MICAL3: variants seen among roughly 807,000 people sequenced by gnomAD.
MICAL3 encodes the protein [F-actin]-monooxygenase MICAL3.
In MICAL3, 62 loss-of-function variants were observed where a neutral mutation model predicts 207.4. The observed-to-expected ratio is 0.30, with a 90% CI of 0.24 to 0.37. The LOEUF (loss-of-function observed/expected upper bound fraction) is 0.37. Ranked by LOEUF, MICAL3 falls within the 10% of genes least tolerant of loss-of-function variation. The pLI is 1.00. For synonymous variants in MICAL3, 1,077 were observed against 1,069.3 expected, an observed-to-expected ratio of 1.01 and a Z score of -0.14; for missense variants, 2,368 against 2,635.6, an observed-to-expected ratio of 0.90 and a Z score of 2.22.
intron 1 of MICAL3, among the ~76,000 whole-genome samples, chr22:17,933,455 G>C (rs372341392): frequency 1.3e-5 from 2 of 152,228 alleles, no homozygotes; most frequent in South Asian, 4.1e-4. Flanking sequence ...CAGAATCTCT[G>C]GGACACATTT....
At chr22:17,906,987 C>T (rs1347519644) in intron 1 of MICAL3, 101 bp from the exon 2 acceptor site, 11 of 624,586 alleles carry the variant, frequency 1.8e-5, no homozygotes, top group Non-Finnish European at 3.0e-5. Flanking sequence ...GTGTCGCAGT[C>T]ATCCATCCAT....
intron 1 of MICAL3, among the ~76,000 whole-genome samples, chr22:18,018,210 C>T (rs1296996354): frequency 2.0e-5 from 3 of 152,162 alleles, no homozygotes; most frequent in Non-Finnish European, 2.9e-5. Flanking sequence ...ACAGTTTTCC[C>T]CCATGGATTC....
rs914624361 is a variant in MICAL3 at position 17,789,529 on chromosome 22, G to C, written c.*1203C>G. The C allele has an allele frequency of 2.6e-5, 4 of 152,308 alleles. No individual in the cohort carries two copies. Among genetic ancestry groups the C allele is most frequent in the South Asian group, 2.1e-4 (1 of 4,828 alleles). 9.4% of individuals were successfully genotyped at this position (152,308 alleles called of 1,614,324 possible). ...ACGGAAATGCACCCTCATCACATGA[G>C]TGGTCCAGATGGTCTAGCGCCAGGG... On this transcript the variant is annotated 3_prime_UTR_variant, in exon 32 of 32. Transcript: ENST00000441493.
intron 1 of MICAL3, among the ~76,000 whole-genome samples, chr22:17,908,313 T>A (rs1931894038): frequency 6.6e-6 from 1 of 151,532 alleles, no homozygotes; most frequent in South Asian, 2.1e-4. Context: ...GACTTTCTTT[T>A]TTTCTTTTTT....
At chr22:17,971,345 G>C (rs1935404141) in intron 1 of MICAL3, among the ~76,000 whole-genome samples, 1 of 152,082 alleles carries the variant, frequency 6.6e-6, no homozygotes, top group Admixed American at 6.5e-5. Flanking sequence ...TTGTGTGTCT[G>C]TAATCCCAGC....
chr22:17,938,794 G>A (rs750864716), intron 1 of MICAL3, among the ~76,000 whole-genome samples: 1 of 152,132 alleles, frequency 6.6e-6, no homozygotes, highest in East Asian at 1.9e-4. Flanking sequence ...CATTCAGCAC[G>A]TGCAGCAAAA....
At chr22:17,815,619 T>A (rs1489816506) in intron 27 of MICAL3, 4 of 152,344 alleles carry the variant, frequency 2.6e-5, no homozygotes, top group African/African-American at 9.6e-5. Context: ...GTTGCTGGCC[T>A]GGCTGGGGCA....
chr22:17,899,092 T>C (rs1931108800), intron 7 of MICAL3, among the ~76,000 whole-genome samples: 3 of 152,146 alleles, frequency 2.0e-5, no homozygotes, highest in Non-Finnish European at 4.4e-5. Context: ...AAAATTAAAC[T>C]GAGTATTTAT....
intron 19 of MICAL3, chr22:17,861,184 G>T: frequency 7.1e-6 from 7 of 985,360 alleles, no homozygotes; most frequent in Non-Finnish European, 7.2e-6. Flanking sequence ...GGGAACCCTA[G>T]GGTTGAATGA....
Position 17,803,960 on chromosome 22 carries a change from T to C in MICAL3, c.5650+4884A>G, listed in dbSNP as rs187464145. ...ATATGATATGGAGCAATCAATGATA[T>C]GGAGCGCAAGAAACACAGACACAGC... is the stretch of plus-strand genomic sequence containing the variant. On this transcript the variant is annotated intron_variant, in intron 29 of 31. Coordinates refer to ENST00000441493, the MANE Select transcript of MICAL3 (RefSeq NM_015241.3). 908 of 495,468 alleles carry C rather than the reference T, an allele frequency of 1.8e-3. 8 individuals carry two copies. Among genetic ancestry groups the C allele is most frequent in the African/African-American group, 0.018 (864 of 47,526 alleles). 30.7% of individuals were successfully genotyped at this position (495,468 alleles called of 1,614,324 possible).
In MICAL3 at chr22:17,793,160, G is replaced by A. The variant is rs1601909328; in HGVS notation, c.5651-1859C>T. Among the ~76,000 whole-genome samples the A allele has an allele frequency of 6.6e-6, 1 of 152,230 alleles. No homozygotes were observed. Among genetic ancestry groups the A allele is most frequent in the Admixed American group, 6.5e-5 (1 of 15,284 alleles). On this transcript the variant is annotated intron_variant, in intron 29 of 31. Coordinates refer to ENST00000441493, the MANE Select transcript of MICAL3 (RefSeq NM_015241.3). The surrounding 1 kb of genome is among the most constrained non-coding windows in gnomAD (Gnocchi z 4.1). ...AGTCGGGTGAGCGCTGTGGACGGCA[G>A]GTAAGAGTTAGCAGGGTTAGTCACG...
intron 1 of MICAL3, among the ~76,000 whole-genome samples, chr22:17,957,943 GA>G (rs1173230448): frequency 6.6e-6 from 1 of 152,100 alleles, no homozygotes; most frequent in Non-Finnish European, 1.5e-5. Flanking sequence ...CTGCTACTGA[GA>G]AAAGAGCAGA....
chr22:18,007,922 CAAAAAAA>C (rs60544257), intron 1 of MICAL3, among the ~76,000 whole-genome samples: 2 of 37,756 alleles, frequency 5.3e-5, no homozygotes, highest in African/African-American at 1.6e-4. Context: ...GACTCCATCT[CAAAAAAA>C]AAAAAAAAAA....
chr22:17,826,563 G>A (rs1225800881), intron 22 of MICAL3: 33 of 936,662 alleles, frequency 3.5e-5, no homozygotes, highest in Middle Eastern at 1.1e-3. Context: ...AGCAATATGC[G>A]TTCCCAACGA....
chr22:17,796,460 G>A lies in MICAL3; in HGVS notation c.5651-5159C>T, dbSNP rs879810099. On this transcript the variant is annotated intron_variant, in intron 29 of 31. Transcript: ENST00000441493. The surrounding 1 kb of genome is among the most constrained non-coding windows in gnomAD (Gnocchi z 4.4). ...CACGTGATCCTCACACCGGCCAGGTGTGGCTGCCAGGATGGGCAAATTCAA... is the reference window on the plus strand; with the variant it reads ...CACGTGATCCTCACACCGGCCAGGTATGGCTGCCAGGATGGGCAAATTCAA... Among the ~76,000 whole-genome samples the A allele has an allele frequency of 6.6e-6, 1 of 152,254 alleles. No homozygotes were observed. Among genetic ancestry groups the A allele is most frequent in the Admixed American group, 6.5e-5 (1 of 15,290 alleles).
At chr22:17,871,317 G>A (rs928916633) in intron 17 of MICAL3, among the ~76,000 whole-genome samples, 8 of 152,200 alleles carry the variant, frequency 5.3e-5, no homozygotes, top group African/African-American at 1.9e-4. Context: ...TTCAGGCCCT[G>A]TGCAATGGTT....
intron 19 of MICAL3, among the ~76,000 whole-genome samples, chr22:17,849,681 TGTGTG>T (rs1925061268): frequency 3.1e-5 from 4 of 130,492 alleles, no homozygotes; most frequent in Admixed American, 7.7e-5. Flanking sequence ...TGTGTGTGTG[TGTGTG>T]TATTTTTTTT....
At chr22:17,860,708 C>T (rs1926429490) in intron 19 of MICAL3, 3 of 985,298 alleles carry the variant, frequency 3.0e-6, no homozygotes, top group Admixed American at 6.1e-5. Context: ...CAGCAGCAGC[C>T]CCCTGCGTTC....
rs1346508911 is a variant in MICAL3, at chr22:17,817,853, G to A, written c.4808C>T (p.Ser1603Phe). The A allele has an allele frequency of 2.2e-5, 36 of 1,612,120 alleles. No homozygotes were observed. The highest frequency in any genetic ancestry group is 3.0e-5 in the Non-Finnish European group (35 of 1,179,694). The change falls in exon 26 of 32, where the codon TCC becomes TTC. Residue 1603 changes from serine to phenylalanine, a missense_variant. Around this residue, in one of 4 missense-constraint regions of MICAL3, gnomAD observed 1,770 missense variants for 1,863.2 expected, o/e 0.95. Transcript: ENST00000441493. ...AEERMRAREKSVKSQALRDAM... is the reference protein window; with the variant it reads ...AEERMRAREKFVKSQALRDAM... ...GTCCCGCAGCGCCTGGCTCTTCACG[G>A]ACTTCTCCCTGGCTCGCATGCGCTC...
Sources: gnomAD v4.1 joint callset for allele counts (sites outside exome capture counted in the v4.1 genomes callset) on GRCh38, gnomAD v4.1.1 for gene constraint, gnomAD v4.1.1 regional missense constraint, Gnocchi (gnomAD v3.1) non-coding constraint, MANE v1.5 for transcripts, NCBI Gene and HGNC (gene_info 2026-07-23, HGNC 2026-07-21) for gene names.